Variants in DAB1 observed in about 807,000 individuals in gnomAD.
DAB1 encodes disabled homolog 1.
A neutral mutation model predicts 64.6 loss-of-function variants in DAB1; 15 were observed. The observed-to-expected ratio is 0.23, with a 90% CI of 0.16 to 0.36. The LOEUF is 0.36. Ranked by LOEUF, DAB1 falls within the 10% of genes least tolerant of loss-of-function variation. The pLI, the probability that DAB1 is intolerant of heterozygous loss-of-function variation, is 1.00. For synonymous variants in DAB1, 235 were observed against 251.9 expected, an observed-to-expected ratio of 0.93 and a Z score of 0.64; for missense variants, 596 against 706.7, an observed-to-expected ratio of 0.84 and a Z score of 1.78.
At chr1:57,253,502 C>A (rs1172210742) in intron 2 of DAB1, among the ~76,000 whole-genome samples, 1 of 152,100 alleles carries the variant, frequency 6.6e-6, no homozygotes, top group Non-Finnish European at 1.5e-5. Flanking sequence ...CAGTGGCAGA[C>A]AGGGTAGGAA....
chr1:57,826,788 G>T (rs1652369279), intron 1 of DAB1, among the ~76,000 whole-genome samples: 1 of 152,230 alleles, frequency 6.6e-6, no homozygotes, highest in African/African-American at 2.4e-5. Context: ...TCCTGGAATA[G>T]GAAGTGCTCT....
chr1:58,141,420 A>G (rs563608312), intron 5 of DAB1, among the ~76,000 whole-genome samples: 21 of 152,278 alleles, frequency 1.4e-4, no homozygotes, highest in African/African-American at 4.6e-4. Context: ...CCATGATTCA[A>G]TTACCTCCCA....
intron 5 of DAB1, among the ~76,000 whole-genome samples, chr1:58,077,250 A>C (rs2100585173): frequency 6.6e-6 from 1 of 152,376 alleles, no homozygotes; most frequent in East Asian, 1.9e-4. Flanking sequence ...GGAAAGGCTA[A>C]GTGATTTGTC....
intron 6 of DAB1, among the ~76,000 whole-genome samples, chr1:57,684,449 C>T (rs1447078841): frequency 6.6e-6 from 1 of 152,006 alleles, no homozygotes; most frequent in Non-Finnish European, 1.5e-5. Context: ...CTTTAAAAAC[C>T]AGAAGAGATT....
chr1:58,384,627 T>C (rs2100550079), intron 3 of DAB1, among the ~76,000 whole-genome samples: 1 of 152,284 alleles, frequency 6.6e-6, no homozygotes, highest in East Asian at 1.9e-4. Context: ...AGGCTGTCTG[T>C]CTGCAAGCTG....
chr1:57,960,392 A>T (rs1414308654), intron 5 of DAB1, among the ~76,000 whole-genome samples: 1 of 152,156 alleles, frequency 6.6e-6, no homozygotes, highest in East Asian at 1.9e-4. Context: ...TGTGATGGAC[A>T]TGACATGGTG....
chr1:57,508,565 T>C (rs1644372934), intron 7 of DAB1, among the ~76,000 whole-genome samples: 1 of 152,230 alleles, frequency 6.6e-6, no homozygotes, highest in South Asian at 2.1e-4. Flanking sequence ...TTGCAAGACA[T>C]ACAGACTCTG....
chr1:57,761,508 A>G (rs2101818216), intron 6 of DAB1, among the ~76,000 whole-genome samples: 1 of 152,252 alleles, frequency 6.6e-6, no homozygotes, highest in East Asian at 1.9e-4. Flanking sequence ...ATTGCTGCCA[A>G]TTTCATTGCT....
At chr1:58,300,549 A>G (rs547545572) in intron 4 of DAB1, among the ~76,000 whole-genome samples, 615 of 19,096 alleles carry the variant, frequency 0.032, 1 homozygote, top group Non-Finnish European at 0.051. Flanking sequence ...CTCTGAAAAG[A>G]AAGAAAGAAA....
downstream of DAB1, among the ~76,000 whole-genome samples, chr1:57,825,687 T>C (rs1042908323): frequency 1.1e-4 from 16 of 152,348 alleles, no homozygotes; most frequent in East Asian, 1.2e-3. Context: ...TGAACATTTG[T>C]TGATTGAATA....
chr1:57,751,413 G>A (rs1208567365), intron 6 of DAB1, among the ~76,000 whole-genome samples: 4 of 152,066 alleles, frequency 2.6e-5, no homozygotes, highest in African/African-American at 9.7e-5. Context: ...GACAAAGGGG[G>A]CTCCTGAGCA....
At chr1:57,896,386 T>C (rs1420091252) in intron 5 of DAB1, among the ~76,000 whole-genome samples, 2 of 151,644 alleles carry the variant, frequency 1.3e-5, no homozygotes, top group Non-Finnish European at 2.9e-5. Flanking sequence ...AACTTGACAA[T>C]GAACATTGAG....
intron 4 of DAB1, among the ~76,000 whole-genome samples, chr1:57,116,656 G>A (rs1271834511): frequency 6.6e-6 from 1 of 151,978 alleles, no homozygotes; most frequent in East Asian, 1.9e-4. Flanking sequence ...CAATGATAAA[G>A]GAAGCCCAAG....
chr1:57,341,767 C>T (rs1294957773), intron 1 of DAB1, among the ~76,000 whole-genome samples: 4 of 152,146 alleles, frequency 2.6e-5, no homozygotes, highest in African/African-American at 9.7e-5. Context: ...AAGATTATTA[C>T]CAACAGTTCA....
intron 5 of DAB1, among the ~76,000 whole-genome samples, chr1:58,011,609 G>A (rs548437147): frequency 1.3e-5 from 2 of 152,118 alleles, no homozygotes; most frequent in East Asian, 3.9e-4. Context: ...GAACATAAAT[G>A]TAAGGTAATC....
intron 6 of DAB1, among the ~76,000 whole-genome samples, chr1:57,724,488 C>G (rs1647185748): frequency 6.6e-6 from 1 of 152,118 alleles, no homozygotes; most frequent in Non-Finnish European, 1.5e-5. Context: ...CCTTGCTCCT[C>G]CCTGGAGAAT....
In DAB1 at chr1:57,740,081, G is replaced by A. The variant is rs537404707; in HGVS notation, n.552-90416C>T. Among the ~76,000 whole-genome samples, 12 of 145,484 alleles carry A rather than the reference G, an allele frequency of 8.2e-5. No individual in the cohort carries two copies. The East Asian group carries it at 1.8e-3, about 21-fold the overall frequency. ...AAAAAAAAATTCGCCAGGCGTGGTC[G>A]CATGCACTTGTAGTCCCAGCTACTC... On this transcript the variant is annotated intron_variant and non_coding_transcript_variant, in intron 6 of 20. Transcript: ENST00000485760.
intron 6 of DAB1, among the ~76,000 whole-genome samples, chr1:57,799,580 A>G (rs1651028757): frequency 8.8e-6 from 1 of 113,932 alleles, no homozygotes; most frequent in African/African-American, 3.1e-5. Flanking sequence ...AAAAAAAAAA[A>G]GATCTGGGGG....
intron 7 of DAB1, among the ~76,000 whole-genome samples, chr1:57,641,466 C>T (rs1181000562): frequency 6.9e-6 from 1 of 144,814 alleles, no homozygotes; most frequent in African/African-American, 2.5e-5. Context: ...TCACTGCAAG[C>T]TCCGCTGCTG....
Sources: allele counts gnomAD v4.1 joint callset (sites outside exome capture counted in the v4.1 genomes callset), GRCh38; gene constraint gnomAD v4.1.1; transcripts MANE v1.5; gene names NCBI Gene and HGNC (gene_info 2026-07-23, HGNC 2026-07-21).